The following IFT52 variants were observed in gnomAD, a reference collection of about 807,000 sequenced individuals.
IFT52 encodes the protein intraflagellar transport protein 52 homolog.
A neutral mutation model predicts 54.4 loss-of-function variants in IFT52; 44 were observed. The observed-to-expected ratio is 0.81, with a 90% CI of 0.63 to 1.04. The LOEUF (loss-of-function observed/expected upper bound fraction) is 1.04. IFT52 is among the 50% of genes least tolerant of loss of function. The pLI is 0.00. For synonymous variants in IFT52, 181 were observed against 185.3 expected, an observed-to-expected ratio of 0.98 and a Z score of 0.19; for missense variants, 452 against 523.6, an observed-to-expected ratio of 0.86 and a Z score of 1.33.
At chr20:43,634,151 T>A (rs1201346696) in intron 10 of IFT52, among the ~76,000 whole-genome samples, 1 of 151,864 alleles carries the variant, frequency 6.6e-6, no homozygotes, top group Non-Finnish European at 1.5e-5. Flanking sequence ...CACTCCAGCC[T>A]GGGTGACAGA....
At chr20:43,614,248 T>G (rs1983683491) in intron 7 of IFT52, among the ~76,000 whole-genome samples, 1 of 151,902 alleles carries the variant, frequency 6.6e-6, no homozygotes, top group South Asian at 2.1e-4. Flanking sequence ...TAACTTTTTT[T>G]TTTTTTTTGA....
chr20:43,615,341 C>T (rs966447282), intron 7 of IFT52, among the ~76,000 whole-genome samples: 1 of 152,118 alleles, frequency 6.6e-6, no homozygotes, highest in African/African-American at 2.4e-5. Flanking sequence ...CTGTGCCCAG[C>T]CCCCACTGCG....
Position 43,616,608 on chromosome 20 carries a change from C to G in IFT52, c.613-2332C>G, listed in dbSNP as rs546508050. Among the ~76,000 whole-genome samples the G allele has an allele frequency of 1.3e-3, 193 of 152,072 alleles. 1 individual carries two copies. Among genetic ancestry groups the G allele is most frequent in the African/African-American group, 4.6e-3 (190 of 41,500 alleles). On this transcript the variant is annotated intron_variant, in intron 7 of 13. Transcript: ENST00000373030. ...AGCAAAAGAAAAAAAATTCCCCCAT[C>G]GCACTACTCCAAGACTCTAAGACAG... is the stretch of plus-strand genomic sequence containing the variant.
chr20:43,604,890 C>T (rs1982734972), intron 5 of IFT52, 112 bp from the exon 6 acceptor site: 1 of 1,097,340 alleles, frequency 9.1e-7, no homozygotes, highest in African/African-American at 1.6e-5. Context: ...GCCTTGACCT[C>T]CCAGGCTTAA....
Position 43,590,955 on chromosome 20 carries a change from C to T in IFT52, c.-106C>T, listed in dbSNP as rs1041116238. On this transcript the variant is annotated 5_prime_UTR_variant, in exon 1 of 14. Coordinates refer to ENST00000373030, the MANE Select transcript of IFT52 (RefSeq NM_016004.5). ...TAGCGCTGCGTCCTGGGCCACGCCTCCCGGCGCACCGACGCGCCTCTCCGG... is the reference window on the plus strand; with the variant it reads ...TAGCGCTGCGTCCTGGGCCACGCCTTCCGGCGCACCGACGCGCCTCTCCGG... 3 of 152,400 alleles carry T rather than the reference C, an allele frequency of 2.0e-5. No individual in the cohort carries two copies. The highest frequency in any genetic ancestry group is 3.9e-4 in the East Asian group (2 of 5,192). The allele number at this position is 152,400 out of a possible 1,614,324, so 9.4% of individuals were successfully genotyped here.
At chr20:43,605,789 C>T (rs1982821924) in intron 6 of IFT52, among the ~76,000 whole-genome samples, 1 of 152,164 alleles carries the variant, frequency 6.6e-6, no homozygotes, top group Non-Finnish European at 1.5e-5. Context: ...ATCCTTACAA[C>T]TCTGGAAAGT....
chr20:43,591,835 A>G (rs1981547236), intron 1 of IFT52, among the ~76,000 whole-genome samples: 1 of 152,162 alleles, frequency 6.6e-6, no homozygotes, highest in South Asian at 2.1e-4. Flanking sequence ...CCCAGGAGTC[A>G]GAGACCAGCA....
At chr20:43,642,278 T>C in intron 12 of IFT52, 1 of 530,494 alleles carries the variant, frequency 1.9e-6, no homozygotes, top group Non-Finnish European at 3.3e-6. Flanking sequence ...TGATTAGGAG[T>C]GCTTTTATTA....
chr20:43,620,699 C>T (rs1330220736), intron 8 of IFT52, among the ~76,000 whole-genome samples, 158 bp from the exon 9 acceptor site: 3 of 152,152 alleles, frequency 2.0e-5, no homozygotes, highest in Non-Finnish European at 4.4e-5. Flanking sequence ...TTTGAGTTCT[C>T]ATATGATTGC....
At chr20:43,621,831 T>G (rs1984323096) in intron 9 of IFT52, among the ~76,000 whole-genome samples, 1 of 152,232 alleles carries the variant, frequency 6.6e-6, no homozygotes, top group South Asian at 2.1e-4. Flanking sequence ...GATGGTTGTG[T>G]GGGCTAAGTT....
intron 10 of IFT52, among the ~76,000 whole-genome samples, chr20:43,635,287 A>G (rs6031005): frequency 0.77 from 116,378 of 151,718 alleles, 44,899 homozygotes; most frequent in East Asian, 0.8. Context: ...GGCAAAGGAC[A>G]TGATCTCATT....
Position 43,606,273 on chromosome 20 carries a change from CT to C in IFT52, c.485+1218del, listed in dbSNP as rs1173335571. Among the ~76,000 whole-genome samples, 866 of 134,920 alleles carry C rather than the reference CT, an allele frequency of 6.4e-3. 5 individuals carry two copies. The highest frequency in any genetic ancestry group is 0.018 in the African/African-American group (647 of 36,360). 88.5% of individuals were successfully genotyped at this position (134,920 alleles called of 152,430 possible). A position where few individuals can be genotyped will look rare whatever the true frequency, so the allele number is the denominator to read the frequency against. ...TAGATAATAAAGCACAAATGAACATCTTTTTTTTTTTTTTTTTTGAGATGGA... is the reference window on the plus strand; with the variant it reads ...TAGATAATAAAGCACAAATGAACATCTTTTTTTTTTTTTTTTTGAGATGGA... On this transcript the variant is annotated intron_variant, in intron 6 of 13. Transcript: ENST00000373030.
rs572327299 is a variant in IFT52, at chr20:43,643,747, G to A, written c.1266+1123G>A. Among the ~76,000 whole-genome samples the A allele has an allele frequency of 1.9e-4, 11 of 58,334 alleles. 4 individuals carry two copies. The highest frequency in any genetic ancestry group is 7.9e-4 in the Admixed American group (4 of 5,082). The allele number at this position is 58,334 out of a possible 152,430, so 38.3% of individuals were successfully genotyped here. On this transcript the variant is annotated intron_variant, in intron 13 of 13. Coordinates refer to ENST00000373030, the MANE Select transcript of IFT52 (RefSeq NM_016004.5). ...TGACGAACGGCAGTGATGCCAGTGT[G>A]ACAAGAGAACAGAGGAAAGGACAGA...
intron 7 of IFT52, among the ~76,000 whole-genome samples, chr20:43,615,028 C>T (rs771083559): frequency 8.8e-4 from 133 of 151,858 alleles, no homozygotes; most frequent in Non-Finnish European, 1.7e-3. Flanking sequence ...AGGCTGATCT[C>T]GAACTCCTGA....
chr20:43,621,963 G>A (rs1568766073), intron 9 of IFT52, among the ~76,000 whole-genome samples: 1 of 152,240 alleles, frequency 6.6e-6, no homozygotes, highest in Non-Finnish European at 1.5e-5. Context: ...TGAGGAAACT[G>A]AAATCCTTCA....
intron 7 of IFT52, among the ~76,000 whole-genome samples, chr20:43,617,295 C>T (rs1983930338): frequency 6.6e-6 from 1 of 152,244 alleles, no homozygotes; most frequent in African/African-American, 2.4e-5. Flanking sequence ...CACTAAAATT[C>T]GACTAGCGCT....
In IFT52 at chr20:43,590,970, C is replaced by T. The variant is rs932639608; in HGVS notation, c.-91C>T. Reference sequence around the variant, plus strand: ...GGCCACGCCTCCCGGCGCACCGACGCGCCTCTCCGGTTACTAAGCGGCCTT... The same window carrying T: ...GGCCACGCCTCCCGGCGCACCGACGTGCCTCTCCGGTTACTAAGCGGCCTT... On this transcript the variant is annotated 5_prime_UTR_variant, in exon 1 of 14. Transcript: ENST00000373030. 2.0e-5 allele frequency: 3 copies of T among 152,278 alleles called. No individual in the cohort carries two copies. The highest frequency in any genetic ancestry group is 4.8e-5 in the African/African-American group (2 of 41,464). The allele number at this position is 152,278 out of a possible 1,614,324, so 9.4% of individuals were successfully genotyped here. A position where few individuals can be genotyped will look rare whatever the true frequency, so the allele number is the denominator to read the frequency against.
chr20:43,608,726 G>A (rs534619030), intron 6 of IFT52, among the ~76,000 whole-genome samples: 28 of 152,042 alleles, frequency 1.8e-4, no homozygotes, highest in South Asian at 1.7e-3. Context: ...GCAACATGGC[G>A]AAACCCTGTC....
At chr20:43,603,002 T>C (rs1982578325) in intron 3 of IFT52, among the ~76,000 whole-genome samples, 1 of 152,188 alleles carries the variant, frequency 6.6e-6, no homozygotes, top group Non-Finnish European at 1.5e-5. Flanking sequence ...ATAAAGTACA[T>C]ATTTTATATA....
Sources: gnomAD v4.1 joint callset for allele counts (sites outside exome capture counted in the v4.1 genomes callset) on GRCh38, gnomAD v4.1.1 for gene constraint, MANE v1.5 for transcripts, NCBI Gene and HGNC (gene_info 2026-07-23, HGNC 2026-07-21) for gene names.